ARHGAP32: variants seen among roughly 807,000 people sequenced by gnomAD.
ARHGAP32 encodes the protein rho GTPase-activating protein 32.
Under a neutral mutation model 186.5 loss-of-function variants are expected in ARHGAP32, and 51 were observed. The observed-to-expected ratio is 0.27, with a 90% CI of 0.22 to 0.35. ARHGAP32 has a LOEUF of 0.35. ARHGAP32 is among the 10% of genes least tolerant of loss of function. The probability of loss-of-function intolerance (pLI) is 1.00; values close to 1 mark genes in which losing one functional copy is unlikely to be tolerated. For synonymous variants in ARHGAP32, 950 were observed against 964.3 expected, an observed-to-expected ratio of 0.99 and a Z score of 0.27; for missense variants, 2,186 against 2,623.5, an observed-to-expected ratio of 0.83 and a Z score of 3.64.
rs1232096639 is a variant in ARHGAP32, at chr11:128,972,998, A to G, written c.3508T>C (p.Tyr1170His). The stretch of plus-strand genomic sequence containing the variant: ...GCCTTTTCTGGGTCCCCAGATAAAT[A>G]TGCTTGATGTGGCTGATTCCCTGTT... The part of the protein sequence containing the change: ...DLTGNQPHQA[Y>H]LSGDPEKARI... The change falls in exon 22 of 23, where the codon TAT becomes CAT. Residue 1170 changes from tyrosine (Y) to histidine (H), a missense_variant. Physicochemically the swap from Tyr to His is moderately conservative, Grantham distance 83 (BLOSUM62 2). Around this residue, in one of 5 missense-constraint regions of ARHGAP32, gnomAD observed 1,502 missense variants for 1,570.0 expected, o/e 0.96. Transcript: ENST00000682385. 1 of 1,614,034 alleles carries G rather than the reference A, an allele frequency of 6.2e-7. No individual in the cohort carries two copies. The highest frequency in any genetic ancestry group is 2.2e-5 in the East Asian group (1 of 44,858).
At chr11:129,249,865 T>TA (rs1945155432) in intron 1 of ARHGAP32, among the ~76,000 whole-genome samples, 1 of 152,084 alleles carries the variant, frequency 6.6e-6, no homozygotes, top group Non-Finnish European at 1.5e-5. Context: ...AATCCAGAAT[T>TA]AGACTCCAAC....
intron 5 of ARHGAP32, among the ~76,000 whole-genome samples, chr11:129,099,023 A>C (rs1333374319): frequency 6.6e-6 from 1 of 152,208 alleles, no homozygotes; most frequent in African/African-American, 2.4e-5. Context: ...AAAATCAACT[A>C]AACACATTTA....
intron 2 of ARHGAP32, among the ~76,000 whole-genome samples, chr11:129,158,057 C>G (rs907432463): frequency 1.3e-5 from 2 of 152,136 alleles, no homozygotes; most frequent in African/African-American, 4.8e-5. Context: ...GCCTGTCTTA[C>G]AAGAACTCCT....
chr11:129,196,493 C>T (rs1428839183), upstream of ARHGAP32, among the ~76,000 whole-genome samples: 1 of 152,118 alleles, frequency 6.6e-6, no homozygotes, highest in Admixed American at 6.6e-5. Context: ...TACGTAAATA[C>T]TACAACATTT....
At chr11:129,094,497 G>A (rs1368374375) in intron 5 of ARHGAP32, among the ~76,000 whole-genome samples, 1 of 152,144 alleles carries the variant, frequency 6.6e-6, no homozygotes, top group Non-Finnish European at 1.5e-5. Flanking sequence ...ACAGATTTCT[G>A]GCTTCTACTG....
Position 129,208,035 on chromosome 11 carries a change from C to T in ARHGAP32, c.-4-43608G>A, listed in dbSNP as rs148481421. 8.7e-3 allele frequency among the ~76,000 whole-genome samples: 1,330 copies of T among 152,246 alleles called. 13 individuals carry two copies. The highest frequency in any genetic ancestry group is 0.01 in the Non-Finnish European group (683 of 68,016). On this transcript the variant is annotated intron_variant, in intron 1 of 6. Coordinates refer to the ARHGAP32 transcript ENST00000525234. ...CTGCACACAACTGAACAATCTATGA[C>T]TATTACTAAGATTCCACCTAGTATG...
intron 5 of ARHGAP32, among the ~76,000 whole-genome samples, chr11:129,109,455 G>A (rs946344249): frequency 6.6e-6 from 1 of 151,976 alleles, no homozygotes. Flanking sequence ...TGTAATTGTT[G>A]GATCATATGG....
In ARHGAP32 at chr11:128,968,859, C is replaced by G. The variant is rs544847023; in HGVS notation, c.*48G>C. The G allele has an allele frequency of 7.7e-7, 1 of 1,298,468 alleles. No homozygotes were observed. Among genetic ancestry groups the G allele is most frequent in the African/African-American group, 1.5e-5 (1 of 66,986 alleles). The allele number at this position is 1,298,468 out of a possible 1,614,324, so 80.4% of individuals were successfully genotyped here. A position where few individuals can be genotyped will look rare whatever the true frequency, so the allele number is the denominator to read the frequency against. On this transcript the variant is annotated 3_prime_UTR_variant, in exon 23 of 23. Coordinates refer to ENST00000682385, the MANE Select transcript of ARHGAP32 (RefSeq NM_001378024.1). ...TTTTTGGTTATTGAAAAAAATAGAA[C>G]AGTCCACTGTCCAGCAGAGGCTGCT...
intron 11 of ARHGAP32, among the ~76,000 whole-genome samples, chr11:129,010,701 A>G (rs141632240): frequency 6.6e-6 from 1 of 152,314 alleles, no homozygotes; most frequent in Non-Finnish European, 1.5e-5. Context: ...TAATTTTAGA[A>G]GGATATTAGT....
chr11:128,995,820 C>T (rs1946185115), intron 12 of ARHGAP32, among the ~76,000 whole-genome samples: 1 of 152,242 alleles, frequency 6.6e-6, no homozygotes, highest in Non-Finnish European at 1.5e-5. Context: ...GCCTGGATGA[C>T]AGAGTGAAAC....
intron 1 of ARHGAP32, chr11:129,279,120 C>A: frequency 6.8e-6 from 1 of 146,936 alleles, no homozygotes; most frequent in South Asian, 1.8e-4. Context: ...ACCGGCGCCC[C>A]CGGCCCTCCC....
In ARHGAP32 at chr11:129,165,176, G is replaced by C. The variant is rs774725540; in HGVS notation, c.117-749C>G. ...CCCCCAAAAAAGACCTAAAGAGAAAGAGCCCAGAAATCTACAGCAAAATTC... is the reference window on the plus strand; with the variant it reads ...CCCCCAAAAAAGACCTAAAGAGAAACAGCCCAGAAATCTACAGCAAAATTC... On this transcript the variant is annotated intron_variant, in intron 1 of 22. Transcript: ENST00000682385. Among the ~76,000 whole-genome samples the C allele has an allele frequency of 3.3e-5, 5 of 152,196 alleles. 1 individual carries two copies. The highest frequency in any genetic ancestry group is 1.9e-4 in the East Asian group (1 of 5,174).
intron 5 of ARHGAP32, among the ~76,000 whole-genome samples, chr11:129,110,769 G>C (rs1468299314): frequency 1.3e-5 from 2 of 151,972 alleles, no homozygotes; most frequent in East Asian, 1.9e-4. Context: ...ACTGATTTTT[G>C]TATGTTAATT....
At chr11:129,270,953 T>C (rs561317034) in intron 1 of ARHGAP32, among the ~76,000 whole-genome samples, 20 of 152,266 alleles carry the variant, frequency 1.3e-4, no homozygotes, top group African/African-American at 4.3e-4. Context: ...AGTGGCAACC[T>C]ACCCCAATTT....
intron 11 of ARHGAP32, among the ~76,000 whole-genome samples, chr11:129,002,549 G>A (rs1203143900): frequency 6.6e-6 from 1 of 152,042 alleles, no homozygotes; most frequent in Non-Finnish European, 1.5e-5. Flanking sequence ...AGGATAATTT[G>A]GCTGCTGCTT....
intron 2 of ARHGAP32, among the ~76,000 whole-genome samples, chr11:129,155,238 A>G (rs1943374139): frequency 6.6e-6 from 1 of 152,244 alleles, no homozygotes. Flanking sequence ...TTACAACTGA[A>G]CAGCATTTCA....
At chr11:129,103,777 A>G (rs1257525357) in intron 5 of ARHGAP32, among the ~76,000 whole-genome samples, 1 of 152,094 alleles carries the variant, frequency 6.6e-6, no homozygotes, top group Non-Finnish European at 1.5e-5. Context: ...AATACTATTA[A>G]TATAATTCAT....
At chr11:129,235,950 TTTTC>T (rs1372826312) in intron 1 of ARHGAP32, among the ~76,000 whole-genome samples, 4 of 120,940 alleles carry the variant, frequency 3.3e-5, no homozygotes, top group Non-Finnish European at 7.2e-5. Context: ...CTCACACACA[TTTTC>T]TTTATCCACT....
At chr11:129,102,270 A>T (rs1165077352) in intron 5 of ARHGAP32, among the ~76,000 whole-genome samples, 1 of 152,226 alleles carries the variant, frequency 6.6e-6, no homozygotes, top group African/African-American at 2.4e-5. Context: ...CAGACCAATG[A>T]TACTATAAAG....
Sources: gnomAD v4.1 joint callset for allele counts (sites outside exome capture counted in the v4.1 genomes callset) on GRCh38, gnomAD v4.1.1 for gene constraint, gnomAD v4.1.1 regional missense constraint, MANE v1.5 for transcripts, NCBI Gene and HGNC (gene_info 2026-07-23, HGNC 2026-07-21) for gene names.